Variants in AKAP9 observed in about 807,000 individuals in gnomAD.
AKAP9 encodes A-kinase anchor protein 9.
In AKAP9, 311 loss-of-function variants were observed where a neutral mutation model predicts 488.5. The observed-to-expected ratio is 0.64, with a 90% CI of 0.58 to 0.70. AKAP9 has a LOEUF of 0.70. AKAP9 is among the 30% of genes least tolerant of loss of function. The pLI is 0.00. For missense variants in AKAP9, 4,215 were observed against 4,374.5 expected (o/e 0.96, Z 1.03); for synonymous variants, 1,462 against 1,483.5 (o/e 0.99, Z 0.33).
In AKAP9 at chr7:92,084,841, G is replaced by C. The variant is rs1298296887; in HGVS notation, c.8733G>C (p.Gln2911His). The C allele has an allele frequency of 1.9e-6, 3 of 1,613,386 alleles. No homozygotes were observed. The highest frequency in any genetic ancestry group is 2.5e-6 in the Non-Finnish European group (3 of 1,179,674). ...TAGATTCTGGATCAGACTGGGGTCA[G>C]GGAATTTATCTTACACACAGTCAGG... ...CSSDSGSDWGQGIYLTHSQGF... is the reference protein window; with the variant it reads ...CSSDSGSDWGHGIYLTHSQGF... Residue 2911 changes from glutamine (Q) to histidine (H), a missense_variant, in exon 35 of 50, where the codon CAG (glutamine) becomes CAC (histidine). Coordinates refer to ENST00000356239, the MANE Select transcript of AKAP9 (RefSeq NM_005751.5).
intron 39 of AKAP9, among the ~76,000 whole-genome samples, chr7:92,094,027 T>C (rs1324081865): frequency 6.6e-6 from 1 of 151,684 alleles, no homozygotes; most frequent in Admixed American, 6.6e-5. Context: ...ATTTTTGTAT[T>C]TTCAATAGAG....
At chr7:91,988,331 G>T (rs1797355257) in intron 3 of AKAP9, among the ~76,000 whole-genome samples, 1 of 145,352 alleles carries the variant, frequency 6.9e-6, no homozygotes, top group South Asian at 2.2e-4. Context: ...AAAAAGCTAG[G>T]TGATAGTGTG....
chr7:92,042,969 TA>T (rs1177696847), intron 20 of AKAP9, 198 bp downstream of exon 20: 1 of 375,840 alleles, frequency 2.7e-6, no homozygotes, highest in Non-Finnish European at 4.9e-6. Flanking sequence ...GATAACATTT[TA>T]AAAAAATCTT....
At chr7:92,081,497 ATT>A (rs376611467) in intron 31 of AKAP9, among the ~76,000 whole-genome samples, 1,100 of 85,352 alleles carry the variant, frequency 0.013, 8 homozygotes, top group Middle Eastern at 0.064. Flanking sequence ...ATATATATAT[ATT>A]TTTTTTTTTT....
chr7:92,030,331 G>A (rs977628369), intron 15 of AKAP9, among the ~76,000 whole-genome samples: 2 of 152,138 alleles, frequency 1.3e-5, no homozygotes, highest in African/African-American at 2.4e-5. Flanking sequence ...TGGGAAGTTG[G>A]ACAAGGCCAT....
intron 37 of AKAP9, among the ~76,000 whole-genome samples, chr7:92,088,030 G>A (rs939860139): frequency 5.9e-5 from 9 of 151,964 alleles, no homozygotes; most frequent in Admixed American, 1.3e-4. Flanking sequence ...GCAATAGTTC[G>A]CAACAGATGC....
chr7:92,106,041 G>A (rs1320006839), intron 47 of AKAP9, among the ~76,000 whole-genome samples: 1 of 152,248 alleles, frequency 6.6e-6, no homozygotes, highest in Non-Finnish European at 1.5e-5. Context: ...ATTATCTGGG[G>A]TGGAACAGTT....
At chr7:92,054,164 C>T (rs1259346112) in intron 22 of AKAP9, among the ~76,000 whole-genome samples, 2 of 152,010 alleles carry the variant, frequency 1.3e-5, no homozygotes, top group Non-Finnish European at 2.9e-5. Context: ...ATGTTTAAAG[C>T]CATTGATTTC....
At chr7:92,099,483 A>G (rs892026882) in intron 43 of AKAP9, among the ~76,000 whole-genome samples, 4 of 152,138 alleles carry the variant, frequency 2.6e-5, no homozygotes, top group Admixed American at 1.3e-4. Context: ...CCCGAAAACA[A>G]TACACACTCG....
chr7:91,951,489 T>C (rs905512092), intron 1 of AKAP9, among the ~76,000 whole-genome samples: 5 of 152,260 alleles, frequency 3.3e-5, no homozygotes, highest in African/African-American at 1.2e-4. Context: ...CATGCCTGGC[T>C]AATTTTTAAA....
rs756398963 is a variant in AKAP9, at chr7:92,108,527, T to G, written c.11580T>G (p.Gly3860=). The G allele has an allele frequency of 1.1e-4, 177 of 1,614,076 alleles. No individual in the cohort carries two copies. In the Admixed American group the frequency reaches 1.3e-3, roughly 12 times the overall value. Residue 3860 remains glycine, a synonymous_variant, in exon 49 of 50, where the codon GGT becomes GGG. Coordinates refer to ENST00000356239, the MANE Select transcript of AKAP9 (RefSeq NM_005751.5). The part of the protein sequence containing the change: ...YPGTPADFNP[G]SLACSQLQNY... The stretch of plus-strand genomic sequence containing the variant: ...GCACTCCAGCTGATTTCAATCCTGG[T>G]TCTTTAGCATGTTCTCAGCTTCAGA...
intron 3 of AKAP9, among the ~76,000 whole-genome samples, chr7:91,988,962 T>C (rs1409955513): frequency 6.6e-6 from 1 of 152,194 alleles, no homozygotes; most frequent in Non-Finnish European, 1.5e-5. Flanking sequence ...GACGATGATA[T>C]CTACCTGATA....
chr7:92,097,295 C>G lies in AKAP9; in HGVS notation c.10336C>G (p.Gln3446Glu). The G allele has an allele frequency of 6.2e-7, 1 of 1,613,796 alleles. No homozygotes were observed. The part of the protein sequence containing the change: ...LQGIMQEFQK[Q>E]ELEREEKRES... ...AGGAATCATGCAGGAATTCCAGAAG[C>G]AAGAACTAGAACGAGAAGAAAAACG... is the stretch of plus-strand genomic sequence containing the variant. The change falls in exon 41 of 50, where the codon CAA becomes GAA. Residue 3446 changes from glutamine to glutamate, a missense_variant. Gln to Glu is a conservative substitution (Grantham distance 29, BLOSUM62 2). Around this residue, in one of 5 missense-constraint regions of AKAP9, gnomAD observed 1,476 missense variants for 1,477.4 expected, o/e 1.00. Transcript: ENST00000356239.
chr7:91,979,410 C>G (rs543956843), intron 2 of AKAP9, among the ~76,000 whole-genome samples: 1 of 152,160 alleles, frequency 6.6e-6, no homozygotes, highest in South Asian at 2.1e-4. Flanking sequence ...GGAAACTGCT[C>G]TCATGATTTA....
chr7:92,037,847 G>A (rs2130774997), intron 16 of AKAP9, among the ~76,000 whole-genome samples: 1 of 152,278 alleles, frequency 6.6e-6, no homozygotes, highest in East Asian at 1.9e-4. Context: ...CACTCTAAAT[G>A]TCCAATATAG....
rs1236643486 is a variant in AKAP9 at position 92,097,284 on chromosome 7, A to C, written c.10325A>C (p.Glu3442Ala). 1 of 1,613,866 alleles carries C rather than the reference A, an allele frequency of 6.2e-7. No homozygotes were observed. The highest frequency in any genetic ancestry group is 1.3e-5 in the African/African-American group (1 of 74,958). Reference protein sequence around the residue: ...EGQRLQGIMQEFQKQELEREE... With the variant: ...EGQRLQGIMQAFQKQELEREE... ...CAGCGACTACAAGGAATCATGCAGG[A>C]ATTCCAGAAGCAAGAACTAGAACGA... Residue 3442 changes from glutamate to alanine, a missense_variant, in exon 41 of 50, where the codon GAA becomes GCA. Transcript: ENST00000356239.
At chr7:92,051,365 A>C (rs1235699007) in intron 21 of AKAP9, among the ~76,000 whole-genome samples, 1 of 152,248 alleles carries the variant, frequency 6.6e-6, no homozygotes, top group Non-Finnish European at 1.5e-5. Flanking sequence ...AAATGTTTTC[A>C]AGGCATTCAA....
intron 22 of AKAP9, chr7:92,057,693 T>TG (rs891077089): frequency 5.9e-5 from 13 of 218,544 alleles, no homozygotes; most frequent in African/African-American, 2.7e-4. Context: ...TCAAGACTGC[T>TG]GCTATGGAGA....
chr7:92,042,619 AG>A, intron 19 of AKAP9, 48 bp from the exon 20 acceptor site: 1 of 1,336,950 alleles, frequency 7.5e-7, no homozygotes, highest in Non-Finnish European at 1.1e-6. Context: ...CCAAGTTGAC[AG>A]GTTTTCTTTC....
Sources: allele counts gnomAD v4.1 joint callset (sites outside exome capture counted in the v4.1 genomes callset), GRCh38; gene constraint gnomAD v4.1.1; regional missense constraint gnomAD v4.1.1; transcripts MANE v1.5; gene names NCBI Gene and HGNC (gene_info 2026-07-23, HGNC 2026-07-21).